LRRTM4: variants seen among roughly 807,000 people sequenced by gnomAD.
The protein encoded by LRRTM4 is leucine-rich repeat transmembrane neuronal protein 4.
Under a neutral mutation model 47.6 loss-of-function variants are expected in LRRTM4, and 25 were observed. The ratio of observed to expected loss-of-function variants is 0.53; its 90% confidence interval spans 0.38 to 0.73. The LOEUF is 0.73. LRRTM4 is among the 30% of genes least tolerant of loss of function. The pLI is 0.00. For synonymous variants in LRRTM4, 311 were observed against 269.5 expected, an observed-to-expected ratio of 1.15 and a Z score of -1.51; for missense variants, 638 against 713.4, an observed-to-expected ratio of 0.89 and a Z score of 1.20.
chr2:76,905,288 T>A (rs1055142497), intron 3 of LRRTM4, among the ~76,000 whole-genome samples: 1 of 152,124 alleles, frequency 6.6e-6, no homozygotes, highest in African/African-American at 2.4e-5. Context: ...CGGCTGAGGG[T>A]CCTGTCTGTT....
At chr2:77,449,295 A>G (rs948140793) in intron 3 of LRRTM4, among the ~76,000 whole-genome samples, 8 of 152,106 alleles carry the variant, frequency 5.3e-5, no homozygotes, top group Non-Finnish European at 1.0e-4. Context: ...GAATGAGAGG[A>G]TTTTTTCAAA....
intron 3 of LRRTM4, among the ~76,000 whole-genome samples, chr2:76,840,107 T>C (rs552823371): frequency 2.1e-3 from 316 of 152,308 alleles, no homozygotes; most frequent in Non-Finnish European, 3.3e-3. Flanking sequence ...TTGAATATCA[T>C]TGTTTTCCCT....
In LRRTM4 at chr2:77,345,070, T is replaced by C. The variant is rs551960768; in HGVS notation, c.1551+173248A>G. Among the ~76,000 whole-genome samples, 32 of 151,114 alleles carry C rather than the reference T, an allele frequency of 2.1e-4. 1 individual carries two copies. In the South Asian group the frequency reaches 6.2e-3, roughly 29 times the overall value. On this transcript the variant is annotated intron_variant, in intron 3 of 3. Coordinates refer to ENST00000409884, the MANE Select transcript of LRRTM4 (RefSeq NM_001134745.3). ...TAATTATACAAATACCTAAAATAAT[T>C]ATATAAATAGTAAAACACTCAATAA... is the stretch of plus-strand genomic sequence containing the variant.
intron 3 of LRRTM4, among the ~76,000 whole-genome samples, chr2:76,787,911 ATTATGAATTAAGTAAAATCT>A (rs1023222138): frequency 3.9e-5 from 6 of 152,136 alleles, no homozygotes; most frequent in African/African-American, 1.2e-4. Flanking sequence ...TGGCACCCTC[ATTATGAATTAAGTAAAATCT>A]TTAACATGAA....
chr2:76,964,048 C>G lies in LRRTM4; in HGVS notation c.1552-215132G>C, dbSNP rs191693289. Among the ~76,000 whole-genome samples, 433 of 150,850 alleles carry G rather than the reference C, an allele frequency of 2.9e-3. 2 individuals are homozygous for G. Among genetic ancestry groups the G allele is most frequent in the African/African-American group, 9.7e-3 (402 of 41,370 alleles). On this transcript the variant is annotated intron_variant, in intron 3 of 3. Transcript: ENST00000409884. ...TATCAAATTTTAATAAGACAAATAACTTTCAGTGATAGACATCAAATAAAT... is the reference window on the plus strand; with the variant it reads ...TATCAAATTTTAATAAGACAAATAAGTTTCAGTGATAGACATCAAATAAAT...
chr2:77,480,732 C>G (rs1490219653), intron 3 of LRRTM4, among the ~76,000 whole-genome samples: 1 of 151,434 alleles, frequency 6.6e-6, no homozygotes, highest in East Asian at 1.9e-4. Flanking sequence ...TGCAGCATCA[C>G]TCTCCAACAC....
intron 3 of LRRTM4, among the ~76,000 whole-genome samples, chr2:76,989,580 C>A (rs1676930215): frequency 6.6e-6 from 1 of 151,794 alleles, no homozygotes; most frequent in African/African-American, 2.4e-5. Flanking sequence ...CTGGAGCAAT[C>A]TTTCCCTGTC....
intron 3 of LRRTM4, among the ~76,000 whole-genome samples, chr2:77,266,810 A>G (rs943928305): frequency 1.3e-5 from 2 of 152,120 alleles, no homozygotes; most frequent in African/African-American, 4.8e-5. Flanking sequence ...GAAGCTTAAG[A>G]CTGGAACAGG....
intron 3 of LRRTM4, among the ~76,000 whole-genome samples, chr2:77,015,631 T>G (rs2104083596): frequency 6.6e-6 from 1 of 151,212 alleles, no homozygotes; most frequent in African/African-American, 2.5e-5. Flanking sequence ...GCGGAAGTTT[T>G]ACTTTATAGA....
intron 3 of LRRTM4, among the ~76,000 whole-genome samples, chr2:77,332,614 A>C (rs781504408): frequency 1.3e-5 from 2 of 152,212 alleles, no homozygotes; most frequent in Non-Finnish European, 2.9e-5. Context: ...GATCAATCAG[A>C]GAATAATCAG....
intron 3 of LRRTM4, among the ~76,000 whole-genome samples, chr2:77,235,821 C>A (rs1487464947): frequency 1.3e-5 from 2 of 152,034 alleles, no homozygotes; most frequent in Admixed American, 1.3e-4. Context: ...GATCAGATGG[C>A]TGTAGGCGTG....
At chr2:77,501,009 A>G (rs193067265) in intron 3 of LRRTM4, among the ~76,000 whole-genome samples, 1 of 151,434 alleles carries the variant, frequency 6.6e-6, no homozygotes, top group East Asian at 1.9e-4. Flanking sequence ...TATCCAGAAG[A>G]AAACAGAACA....
intron 3 of LRRTM4, among the ~76,000 whole-genome samples, chr2:77,223,444 G>A (rs574966415): frequency 2.6e-5 from 4 of 152,252 alleles, no homozygotes; most frequent in African/African-American, 7.2e-5. Context: ...TGACATGATT[G>A]TATATCTAGA....
chr2:77,482,673 T>C (rs2104021841), intron 3 of LRRTM4, among the ~76,000 whole-genome samples: 1 of 152,308 alleles, frequency 6.6e-6, no homozygotes, highest in African/African-American at 2.4e-5. Context: ...TTAATACAAA[T>C]AACCGTGGTA....
intron 3 of LRRTM4, among the ~76,000 whole-genome samples, chr2:77,213,408 CA>C (rs1218110498): frequency 6.6e-6 from 1 of 152,074 alleles, no homozygotes; most frequent in East Asian, 1.9e-4. Context: ...TTAGATTCCT[CA>C]TCTTATAAAA....
intron 3 of LRRTM4, among the ~76,000 whole-genome samples, chr2:76,900,596 T>C (rs1673590752): frequency 6.6e-6 from 1 of 152,156 alleles, no homozygotes; most frequent in Admixed American, 6.5e-5. Context: ...ATAACTGCCC[T>C]CTACCAAATA....
chr2:76,832,217 T>C (rs1449129080), intron 3 of LRRTM4, among the ~76,000 whole-genome samples: 1 of 152,124 alleles, frequency 6.6e-6, no homozygotes, highest in African/African-American at 2.4e-5. Flanking sequence ...TATCACCAAT[T>C]TGATTCTAAG....
At chr2:77,093,884 C>T (rs918263196) in intron 3 of LRRTM4, among the ~76,000 whole-genome samples, 1 of 151,838 alleles carries the variant, frequency 6.6e-6, no homozygotes, top group Non-Finnish European at 1.5e-5. Flanking sequence ...CTCATCCTGG[C>T]TCAAAAAACA....
chr2:77,028,449 A>C (rs1169658173), intron 3 of LRRTM4, among the ~76,000 whole-genome samples: 1 of 152,184 alleles, frequency 6.6e-6, no homozygotes, highest in Non-Finnish European at 1.5e-5. Flanking sequence ...AGAGAGTATA[A>C]AGATATAAAA....
Sources: gnomAD v4.1 joint callset for allele counts (sites outside exome capture counted in the v4.1 genomes callset) on GRCh38, gnomAD v4.1.1 for gene constraint, MANE v1.5 for transcripts, NCBI Gene and HGNC (gene_info 2026-07-23, HGNC 2026-07-21) for gene names.